RGS7: variants seen among roughly 807,000 people sequenced by gnomAD.
RGS7 encodes the protein regulator of G-protein signaling 7.
In RGS7, 27 loss-of-function variants were observed where a neutral mutation model predicts 81.1. That is an observed-to-expected ratio of 0.33 (90% CI 0.25 to 0.46). The LOEUF is 0.46. RGS7 is among the 20% of genes least tolerant of loss of function. The pLI is 1.00. For synonymous variants in RGS7, 208 were observed against 207.7 expected, an observed-to-expected ratio of 1.00 and a Z score of -0.01; for missense variants, 396 against 607.4, an observed-to-expected ratio of 0.65 and a Z score of 3.66.
intron 2 of RGS7, among the ~76,000 whole-genome samples, chr1:241,149,746 A>G (rs920810662): frequency 1.3e-5 from 2 of 152,126 alleles, no homozygotes; most frequent in Non-Finnish European, 2.9e-5. Flanking sequence ...ATAGTGACTG[A>G]CAGTGGAGAG....
At chr1:241,337,493 A>G (rs2082312503) in intron 2 of RGS7, among the ~76,000 whole-genome samples, 1 of 152,152 alleles carries the variant, frequency 6.6e-6, no homozygotes, top group Non-Finnish European at 1.5e-5. Flanking sequence ...ATGTTGTGCC[A>G]CCAAGACACA....
Position 241,165,730 on chromosome 1 carries a change from T to C in RGS7, c.79-66968A>G, listed in dbSNP as rs2070157629. Among the ~76,000 whole-genome samples the C allele has an allele frequency of 2.0e-5, 3 of 150,116 alleles. No individual in the cohort carries two copies. In the South Asian group the frequency reaches 6.3e-4, roughly 32 times the overall value. ...CATCAGCATGGCACATGTATACATA[T>C]GTAACTAACCTGAACATTGTGCACA... On this transcript the variant is annotated intron_variant, in intron 2 of 18. Transcript: ENST00000440928.
intron 10 of RGS7, among the ~76,000 whole-genome samples, chr1:240,818,283 T>A (rs1376040017): frequency 3.3e-5 from 5 of 151,914 alleles, no homozygotes; most frequent in Non-Finnish European, 7.4e-5. Context: ...GTACTAAGCA[T>A]TAGGGAAATA....
intron 2 of RGS7, among the ~76,000 whole-genome samples, chr1:241,309,711 T>C (rs910893617): frequency 6.6e-6 from 1 of 152,260 alleles, no homozygotes; most frequent in East Asian, 1.9e-4. Flanking sequence ...TACCTTTTCC[T>C]GTAAAGGAGT....
chr1:240,917,371 T>C (rs1672776196), intron 6 of RGS7, among the ~76,000 whole-genome samples: 1 of 152,186 alleles, frequency 6.6e-6, no homozygotes. Flanking sequence ...GAAAGTTTCT[T>C]AATTGATCTG....
chr1:240,905,445 T>C (rs969071250), intron 6 of RGS7, among the ~76,000 whole-genome samples: 3 of 152,188 alleles, frequency 2.0e-5, no homozygotes, highest in Non-Finnish European at 4.4e-5. Flanking sequence ...TGAGTAACCA[T>C]GTATGATTGG....
intron 2 of RGS7, among the ~76,000 whole-genome samples, chr1:241,246,162 G>A (rs145319629): frequency 4.6e-5 from 7 of 152,114 alleles, no homozygotes; most frequent in African/African-American, 1.7e-4. Context: ...GGGTGTGGAT[G>A]AAGACTGGGC....
At chr1:241,012,560 G>T (rs2059012290) in intron 3 of RGS7, among the ~76,000 whole-genome samples, 1 of 152,054 alleles carries the variant, frequency 6.6e-6, no homozygotes, top group African/African-American at 2.4e-5. Flanking sequence ...ATAAAATAGG[G>T]CTCATGAGGA....
chr1:241,263,702 T>C (rs2077452684), intron 2 of RGS7, among the ~76,000 whole-genome samples: 1 of 152,184 alleles, frequency 6.6e-6, no homozygotes, highest in Non-Finnish European at 1.5e-5. Flanking sequence ...AACATCAAAT[T>C]GGATCCCATA....
intron 4 of RGS7, among the ~76,000 whole-genome samples, chr1:240,982,531 A>G (rs1685074902): frequency 1.3e-5 from 2 of 152,174 alleles, no homozygotes; most frequent in South Asian, 4.1e-4. Context: ...CTTACTTTGG[A>G]AATTAGTTTT....
At chr1:240,942,042 AC>A (rs1255250551) in intron 4 of RGS7, among the ~76,000 whole-genome samples, 13 of 152,130 alleles carry the variant, frequency 8.5e-5, no homozygotes, top group Non-Finnish European at 1.5e-4. Context: ...AAGCTGAGAA[AC>A]AAAAATCAAT....
At chr1:241,052,430 C>T (rs986663905) in intron 3 of RGS7, among the ~76,000 whole-genome samples, 3 of 152,000 alleles carry the variant, frequency 2.0e-5, no homozygotes, top group Admixed American at 6.6e-5. Flanking sequence ...ATAAGAGCAA[C>T]GTGAAGGCCG....
chr1:241,228,270 C>A (rs1442553830), intron 2 of RGS7, among the ~76,000 whole-genome samples: 2 of 152,196 alleles, frequency 1.3e-5, no homozygotes, highest in Non-Finnish European at 2.9e-5. Flanking sequence ...TAGAAGTGAT[C>A]TCCTCCCAGC....
chr1:240,843,158 T>A (rs1403345650), intron 9 of RGS7, among the ~76,000 whole-genome samples: 2 of 146,018 alleles, frequency 1.4e-5, no homozygotes, highest in Non-Finnish European at 3.0e-5. Context: ...AGAGCGAAAC[T>A]CTATCTCAAA....
intron 6 of RGS7, among the ~76,000 whole-genome samples, chr1:240,908,826 A>G (rs1671268628): frequency 6.6e-6 from 1 of 152,182 alleles, no homozygotes; most frequent in East Asian, 1.9e-4. Flanking sequence ...AGCCACCTAA[A>G]TCTGTGATTC....
chr1:241,135,276 A>G (rs977829238), intron 2 of RGS7, among the ~76,000 whole-genome samples: 1 of 151,988 alleles, frequency 6.6e-6, no homozygotes, highest in African/African-American at 2.4e-5. Context: ...AATATAAAAT[A>G]ATTAGCCGGA....
At chr1:241,235,718 C>CTTCT (rs2075924697) in intron 2 of RGS7, among the ~76,000 whole-genome samples, 6 of 149,538 alleles carry the variant, frequency 4.0e-5, no homozygotes, top group Non-Finnish European at 8.9e-5. Flanking sequence ...CTCTCTCTCC[C>CTTCT]TTCCTTTCCT....
At chr1:240,942,725 T>C (rs1379972474) in intron 4 of RGS7, among the ~76,000 whole-genome samples, 2 of 152,196 alleles carry the variant, frequency 1.3e-5, no homozygotes, top group African/African-American at 2.4e-5. Flanking sequence ...AGGACAATTC[T>C]GAGCCATAAA....
chr1:241,169,577 T>C (rs1309016758), intron 2 of RGS7, among the ~76,000 whole-genome samples: 1 of 151,906 alleles, frequency 6.6e-6, no homozygotes, highest in African/African-American at 2.4e-5. Flanking sequence ...ACTCCTGACC[T>C]TGTGATCCAC....
Sources: gnomAD v4.1 joint callset for allele counts (sites outside exome capture counted in the v4.1 genomes callset) on GRCh38, gnomAD v4.1.1 for gene constraint, MANE v1.5 for transcripts, NCBI Gene and HGNC (gene_info 2026-07-23, HGNC 2026-07-21) for gene names.